The following LRTM2 variants were observed in gnomAD, a reference collection of about 807,000 sequenced individuals.
LRTM2 encodes leucine rich repeat transmembrane protein 2.
A neutral mutation model predicts 28.1 loss-of-function variants in LRTM2; 18 were observed. That is an observed-to-expected ratio of 0.64 (90% CI 0.44 to 0.95). LRTM2 has a LOEUF of 0.95. Among genes scored for constraint, LRTM2 ranks in the 40% least tolerant of loss-of-function variants. LRTM2 has a pLI of 0.00. For missense variants in LRTM2, 436 were observed against 497.2 expected (o/e 0.88, Z 1.17); for synonymous variants, 250 against 218.7 (o/e 1.14, Z -1.26).
At position 1,828,580 on chromosome 12, in the gene LRTM2, G is replaced by C. The variant is rs146966947; in HGVS notation, c.67+365G>C. The stretch of plus-strand genomic sequence containing the variant: ...AGCCTCACTGGTGCCTGAGCTTGTC[G>C]GCCTGTGTCACAGACTGCGGCGAGC... On this transcript the variant is annotated intron_variant, in intron 3 of 4. Coordinates refer to ENST00000299194, the MANE Select transcript of LRTM2 (RefSeq NM_001039029.3). This position sits in a 1 kb window ranked among gnomAD's most constrained non-coding sequence, Gnocchi z 4.2. 2.0e-5 allele frequency among the ~76,000 whole-genome samples: 3 copies of C among 152,206 alleles called. No individual in the cohort carries two copies. Among genetic ancestry groups the C allele is most frequent in the Admixed American group, 1.3e-4 (2 of 15,286 alleles).
chr12:1,828,211 C>CTCCTGTGAGTACA lies in LRTM2; in HGVS notation c.64_67+9dup. On this transcript the variant is annotated frameshift_variant, in exon 3 of 5. Transcript: ENST00000299194. LOFTEE classifies it high-confidence loss of function. This position sits in a 1 kb window ranked among gnomAD's most constrained non-coding sequence, Gnocchi z 4.2. ...GGCTCGCCCTGCAGTGGAGGCAAGT[C>CTCCTGTGAGTACA]TCCTGTGAGTACACCCCTGGCCTCG... The CTCCTGTGAGTACA allele has an allele frequency of 6.5e-7, 1 of 1,545,870 alleles. No homozygotes were observed.
chr12:1,822,419 C>T (rs546051815), intron 1 of LRTM2, among the ~76,000 whole-genome samples: 2 of 152,202 alleles, frequency 1.3e-5, no homozygotes, highest in African/African-American at 4.8e-5. Flanking sequence ...CTTTTTCCCC[C>T]AGCCAAGCCT....
At position 1,834,731 on chromosome 12, in the gene LRTM2, C is replaced by T; in HGVS notation, c.*10C>T. 6.3e-7 allele frequency: 1 copy of T among 1,575,134 alleles called. No individual in the cohort carries two copies. Among genetic ancestry groups the T allele is most frequent in the Non-Finnish European group, 8.6e-7 (1 of 1,162,208 alleles). The stretch of plus-strand genomic sequence containing the variant: ...CTCTTCTGTGGCCTGAGCGCCCATC[C>T]CCACCCGGCCAGGTAGGAAGGGCGG... On this transcript the variant is annotated 3_prime_UTR_variant, in exon 5 of 5. Transcript: ENST00000299194. The surrounding 1 kb of genome is among the most constrained non-coding windows in gnomAD (Gnocchi z 7.6).
Position 1,834,755 on chromosome 12 carries a change from G to A in LRTM2, c.*34G>A, listed in dbSNP as rs140355519. On this transcript the variant is annotated 3_prime_UTR_variant, in exon 5 of 5. Transcript: ENST00000299194. The surrounding 1 kb of genome is among the most constrained non-coding windows in gnomAD (Gnocchi z 7.6). ...CCCCACCCGGCCAGGTAGGAAGGGC[G>A]GGGAGAGCACACGGCATTGCTCAGC... 3.8e-3 allele frequency: 5,904 copies of A among 1,553,360 alleles called. 376 individuals are homozygous for A. In the Admixed American group the frequency reaches 0.099, roughly 26 times the overall value.
rs936069332 is a variant in LRTM2 at position 1,828,990 on chromosome 12, C to G, written c.67+775C>G. Among the ~76,000 whole-genome samples the G allele has an allele frequency of 6.6e-6, 1 of 152,234 alleles. No individual in the cohort carries two copies. Among genetic ancestry groups the G allele is most frequent in the Non-Finnish European group, 1.5e-5 (1 of 68,038 alleles). ...CGGGACGGCATTCCGCCTGACTTCC[C>G]GCTCTGATCCAGCACCCAACACGGG... On this transcript the variant is annotated intron_variant, in intron 3 of 4. Transcript: ENST00000299194. This position sits in a 1 kb window ranked among gnomAD's most constrained non-coding sequence, Gnocchi z 4.2.
rs1188928005 is a variant in LRTM2, at chr12:1,834,744, G to T, written c.*23G>T. ...TGAGCGCCCATCCCCACCCGGCCAG[G>T]TAGGAAGGGCGGGGAGAGCACACGG... is the stretch of plus-strand genomic sequence containing the variant. On this transcript the variant is annotated 3_prime_UTR_variant, in exon 5 of 5. Transcript: ENST00000299194. This position sits in a 1 kb window ranked among gnomAD's most constrained non-coding sequence, Gnocchi z 7.6. The T allele has an allele frequency of 1.3e-6, 2 of 1,565,948 alleles. No homozygotes were observed. Among genetic ancestry groups the T allele is most frequent in the South Asian group, 2.3e-5 (2 of 86,268 alleles).
Position 1,834,060 on chromosome 12 carries a change from C to T in LRTM2, c.659-207C>T, listed in dbSNP as rs912399535. Among the ~76,000 whole-genome samples the T allele has an allele frequency of 8.5e-5, 13 of 152,204 alleles. No individual in the cohort carries two copies. The highest frequency in any genetic ancestry group is 6.5e-4 in the Admixed American group (10 of 15,284). On this transcript the variant is annotated intron_variant, in intron 4 of 4. Transcript: ENST00000299194. The surrounding 1 kb of genome is among the most constrained non-coding windows in gnomAD (Gnocchi z 7.6). ...TGGCTTCTGCGAGGATGAAATGGCA[C>T]GATATACGTAACTCACTGTGGACTT...
chr12:1,832,905 A>G (rs1200308436), intron 4 of LRTM2, among the ~76,000 whole-genome samples: 1 of 152,238 alleles, frequency 6.6e-6, no homozygotes, highest in Non-Finnish European at 1.5e-5. Flanking sequence ...TCTTCCCAGC[A>G]GGGAAATGAG....
chr12:1,827,365 C>G (rs1565691113), intron 1 of LRTM2, 45 bp from the exon 2 acceptor site: 1 of 153,044 alleles, frequency 6.5e-6, no homozygotes, highest in Non-Finnish European at 1.5e-5. Flanking sequence ...AGCGCCCCTA[C>G]TCTGCGTTCT....
chr12:1,821,682 C>T (rs183706630), intron 1 of LRTM2, among the ~76,000 whole-genome samples: 1 of 152,290 alleles, frequency 6.6e-6, no homozygotes, highest in Admixed American at 6.5e-5. Context: ...GGCATGGACA[C>T]CCTGAGTAGA....
intron 1 of LRTM2, among the ~76,000 whole-genome samples, chr12:1,827,185 C>T (rs867870789): frequency 6.6e-6 from 1 of 151,304 alleles, no homozygotes; most frequent in African/African-American, 2.4e-5. Context: ...AGTCCCCTGT[C>T]CCCCTCTCTG....
At chr12:1,830,038 C>T (rs555895808) in intron 3 of LRTM2, among the ~76,000 whole-genome samples, 14 of 152,288 alleles carry the variant, frequency 9.2e-5, no homozygotes, top group Admixed American at 2.0e-4. Flanking sequence ...ATGCTCGCTA[C>T]GCAGAAGGGT....
At chr12:1,826,079 C>T (rs978427554) in intron 1 of LRTM2, among the ~76,000 whole-genome samples, 8 of 152,236 alleles carry the variant, frequency 5.3e-5, no homozygotes, top group African/African-American at 1.9e-4. Context: ...TGAGAAACAA[C>T]CTCACAGGGG....
Position 1,828,830 on chromosome 12 carries a change from G to A in LRTM2, c.67+615G>A, listed in dbSNP as rs530123935. ...CCATTTACCAAAAAGGGGAGGAAGC[G>A]TGAATGAAGGCAACACTTGGCAGCT... On this transcript the variant is annotated intron_variant, in intron 3 of 4. Transcript: ENST00000299194. The surrounding 1 kb of genome is among the most constrained non-coding windows in gnomAD (Gnocchi z 4.2). Among the ~76,000 whole-genome samples, 98 of 152,350 alleles carry A rather than the reference G, an allele frequency of 6.4e-4. 1 individual carries two copies. Among genetic ancestry groups the A allele is most frequent in the Middle Eastern group, 3.4e-3 (1 of 294 alleles).
At position 1,820,592 on chromosome 12, in the gene LRTM2, AC is replaced by A. The variant is rs1243632447; in HGVS notation, c.-480del. The A allele has an allele frequency of 6.6e-6, 1 of 151,878 alleles. No homozygotes were observed. Among genetic ancestry groups the A allele is most frequent in the Non-Finnish European group, 1.5e-5 (1 of 68,088 alleles). The allele number at this position is 151,878 out of a possible 1,614,324, so 9.4% of individuals were successfully genotyped here. A position where few individuals can be genotyped will look rare whatever the true frequency, so the allele number is the denominator to read the frequency against. On this transcript the variant is annotated 5_prime_UTR_variant, in exon 1 of 5. In the 5' UTR this introduces an upstream ATG that the reference lacks. Transcript: ENST00000299194. This position sits in a 1 kb window ranked among gnomAD's most constrained non-coding sequence, Gnocchi z 6.0. Reference sequence around the variant, plus strand: ...CCCTCTCTTTCCTTCTCAGTTTGTGACTGACCCAGCAGCCCCGTCCCCCGTC... The same window carrying A: ...CCCTCTCTTTCCTTCTCAGTTTGTGATGACCCAGCAGCCCCGTCCCCCGTC...
rs987454591 is a variant in LRTM2 at position 1,829,197 on chromosome 12, C to A, written c.67+982C>A. 1.3e-5 allele frequency among the ~76,000 whole-genome samples: 2 copies of A among 152,176 alleles called. No individual in the cohort carries two copies. Among genetic ancestry groups the A allele is most frequent in the Non-Finnish European group, 2.9e-5 (2 of 68,044 alleles). On this transcript the variant is annotated intron_variant, in intron 3 of 4. Transcript: ENST00000299194. This position sits in a 1 kb window ranked among gnomAD's most constrained non-coding sequence, Gnocchi z 4.2. ...GGCGCAGGGAGTCGCTCTTCCGCAG[C>A]GGCTCTCTTAGCCTGCTGTCAGGCC...
intron 1 of LRTM2, 48 bp from the exon 2 acceptor site, chr12:1,827,362 C>CT: frequency 6.5e-6 from 1 of 153,178 alleles, no homozygotes; most frequent in Non-Finnish European, 1.5e-5. Flanking sequence ...CTCAGCGCCC[C>CT]TACTCTGCGT....
rs1270928156 is a variant in LRTM2, at chr12:1,836,154, G to T, written c.*1433G>T. ...CCAGCCGGGGCCAAACCAGAGAGTG[G>T]GTGGGGAGCCTGTCTGGGACAGAGC... On this transcript the variant is annotated 3_prime_UTR_variant, in exon 5 of 5. Transcript: ENST00000299194. 6.6e-6 allele frequency: 1 copy of T among 152,360 alleles called. No homozygotes were observed. The highest frequency in any genetic ancestry group is 1.5e-5 in the Non-Finnish European group (1 of 68,146). The allele number at this position is 152,360 out of a possible 1,614,324, so 9.4% of individuals were successfully genotyped here.
At chr12:1,831,566 C>T (rs773766341) in intron 4 of LRTM2, 41 bp downstream of exon 4, 13 of 1,522,676 alleles carry the variant, frequency 8.5e-6, no homozygotes, top group East Asian at 6.8e-5. Flanking sequence ...GGGATTGGGA[C>T]GATCACCTCT....
Sources: allele counts gnomAD v4.1 joint callset (sites outside exome capture counted in the v4.1 genomes callset), GRCh38; gene constraint gnomAD v4.1.1; non-coding constraint Gnocchi (gnomAD v3.1); transcripts MANE v1.5; gene names NCBI Gene and HGNC (gene_info 2026-07-23, HGNC 2026-07-21).